The following CARMIL1 variants were observed in gnomAD, a reference collection of about 807,000 sequenced individuals.
CARMIL1 encodes the protein capping protein regulator and myosin 1 linker 1.
CARMIL1 carries 90 observed loss-of-function variants against 177.1 expected under a neutral mutation model. The ratio of observed to expected loss-of-function variants is 0.51; its 90% CI spans 0.43 to 0.61. The LOEUF (loss-of-function observed/expected upper bound fraction) is 0.61. Among genes scored for constraint, CARMIL1 ranks in the 20% least tolerant of loss-of-function variants. The pLI is 0.00. For synonymous variants in CARMIL1, 577 were observed against 606.2 expected, an observed-to-expected ratio of 0.95 and a Z score of 0.71; for missense variants, 1,380 against 1,667.0, an observed-to-expected ratio of 0.83 and a Z score of 3.00.
At chr6:25,568,593 C>A (rs892942976) in intron 29 of CARMIL1, among the ~76,000 whole-genome samples, 2 of 152,184 alleles carry the variant, frequency 1.3e-5, no homozygotes, top group Non-Finnish European at 2.9e-5. Flanking sequence ...GGGTTTTTAT[C>A]TGAAAGCAGC....
chr6:25,345,443 C>G (rs1306428691), intron 2 of CARMIL1, among the ~76,000 whole-genome samples: 1 of 152,104 alleles, frequency 6.6e-6, no homozygotes, highest in Non-Finnish European at 1.5e-5. Context: ...CTCTTGAACT[C>G]CAGACCCCTT....
At chr6:25,289,675 A>G (rs1781788731) in intron 2 of CARMIL1, among the ~76,000 whole-genome samples, 1 of 152,228 alleles carries the variant, frequency 6.6e-6, no homozygotes, top group African/African-American at 2.4e-5. Flanking sequence ...TTTTAAGAAC[A>G]TTATATAAAT....
chr6:25,490,777 G>GTATGGTTAT (rs1234009880), intron 13 of CARMIL1, among the ~76,000 whole-genome samples: 2 of 152,080 alleles, frequency 1.3e-5, no homozygotes, highest in African/African-American at 4.8e-5. Flanking sequence ...CATTCTGTGT[G>GTATGGTTAT]TATGGTTATT....
In CARMIL1 at chr6:25,606,214, A is replaced by T. The variant is rs201300946; in HGVS notation, c.3788A>T (p.Lys1263Ile). ...CCGAAGCCCCTCCTGCAGTCCCCCA[A>T]ACCCAGTCTGGCAGCACGGCCCGTC... ...TSPKPLLQSP[K>I]PSLAARPVIP... The change falls in exon 35 of 37, where the codon AAA (lysine) becomes ATA (isoleucine). Residue 1263 changes from lysine to isoleucine, a missense_variant. By Grantham distance (102) the Lys-to-Ile change is moderately radical. Coordinates refer to ENST00000329474, the MANE Select transcript of CARMIL1 (RefSeq NM_017640.6). 1 of 1,613,860 alleles carries T rather than the reference A, an allele frequency of 6.2e-7. No homozygotes were observed. Among genetic ancestry groups the T allele is most frequent in the East Asian group, 2.2e-5 (1 of 44,882 alleles).
chr6:25,565,167 A>G (rs906606279), intron 29 of CARMIL1, among the ~76,000 whole-genome samples: 2 of 152,216 alleles, frequency 1.3e-5, no homozygotes, highest in Admixed American at 6.5e-5. Context: ...GAGGAACCCA[A>G]TTTGGGGAGG....
chr6:25,459,243 T>TTTCTTTCTTTCTTTCC (rs1491036494), intron 8 of CARMIL1, among the ~76,000 whole-genome samples: 1 of 99,216 alleles, frequency 1.0e-5, no homozygotes, highest in South Asian at 4.3e-4. Flanking sequence ...TCTTTCTTTC[T>TTTCTTTCTTTCTTTCC]TTCTTTCTTT....
chr6:25,451,464 C>T (rs1309075111), intron 8 of CARMIL1, among the ~76,000 whole-genome samples: 1 of 152,066 alleles, frequency 6.6e-6, no homozygotes, highest in Non-Finnish European at 1.5e-5. Flanking sequence ...AATCAGTTTG[C>T]CAGTATCTGC....
Position 25,539,933 on chromosome 6 carries a change from T to C in CARMIL1, c.2197-14T>C. ...ACCCAATTCTAAAGAGGTTATTTTT[T>C]ATTTCTCTTACAGTTGTTACCAAAT... On this transcript the variant is annotated splice_polypyrimidine_tract_variant and intron_variant, in intron 25 of 36. Transcript: ENST00000329474. 6.5e-7 allele frequency: 1 copy of C among 1,547,216 alleles called. No individual in the cohort carries two copies. The highest frequency in any genetic ancestry group is 8.7e-7 in the Non-Finnish European group (1 of 1,151,024).
rs186223707 is a variant in CARMIL1 at position 25,538,006 on chromosome 6, T to A, written c.2196+23T>A. On this transcript the variant is annotated intron_variant, in intron 25 of 36. Coordinates refer to ENST00000329474, the MANE Select transcript of CARMIL1 (RefSeq NM_017640.6). ...ACGGTGAGTTTCACTTCAGGCTGTG[T>A]GAGAGTCTGGTATAATAAAAACGTT... 3.4e-5 allele frequency: 54 copies of A among 1,584,614 alleles called. No individual in the cohort carries two copies. The Admixed American group carries it at 9.7e-4, about 29-fold the overall frequency.
chr6:25,439,876 C>T (rs564811204), intron 5 of CARMIL1, among the ~76,000 whole-genome samples: 165 of 152,218 alleles, frequency 1.1e-3, no homozygotes, highest in African/African-American at 3.9e-3. Flanking sequence ...AACCATATGG[C>T]TGTAATGAGG....
intron 36 of CARMIL1, among the ~76,000 whole-genome samples, chr6:25,617,283 G>A (rs542149097): frequency 9.9e-5 from 15 of 151,814 alleles, no homozygotes; most frequent in Non-Finnish European, 1.8e-4. Flanking sequence ...TGGTCTATAG[G>A]GTTATCTCAG....
chr6:25,489,164 C>A lies in CARMIL1; in HGVS notation c.1065+579C>A, dbSNP rs1429905633. On this transcript the variant is annotated intron_variant, in intron 13 of 36. Coordinates refer to ENST00000329474, the MANE Select transcript of CARMIL1 (RefSeq NM_017640.6). ...TGGGCGACAGTGTGAGTCTCCGTAT[C>A]AAACAATAACAACAACAACAACAAC... Among the ~76,000 whole-genome samples, 8 of 23,256 alleles carry A rather than the reference C, an allele frequency of 3.4e-4. No individual in the cohort carries two copies. The Admixed American group carries it at 4.7e-3, about 14-fold the overall frequency. The allele number at this position is 23,256 out of a possible 152,430, so 15.3% of individuals were successfully genotyped here.
At chr6:25,293,265 G>GGTGTGTGTGTGT (rs57127326) in intron 2 of CARMIL1, among the ~76,000 whole-genome samples, 10,627 of 134,120 alleles carry the variant, frequency 0.079, 584 homozygotes, top group Non-Finnish European at 0.1. Flanking sequence ...AAGGATGCTT[G>GGTGTGTGTGTGT]GTGTGTGTGT....
At chr6:25,618,858 T>G (rs1053265571) in intron 36 of CARMIL1, among the ~76,000 whole-genome samples, 1 of 152,210 alleles carries the variant, frequency 6.6e-6, no homozygotes, top group African/African-American at 2.4e-5. Flanking sequence ...GCTTTTTCAC[T>G]AGACTTTAAA....
intron 2 of CARMIL1, among the ~76,000 whole-genome samples, chr6:25,395,527 A>G (rs1399722403): frequency 6.6e-6 from 1 of 152,254 alleles, no homozygotes; most frequent in Non-Finnish European, 1.5e-5. Flanking sequence ...TGAACAATGC[A>G]TCTTCTGGCA....
chr6:25,472,695 T>A, intron 11 of CARMIL1, 174 bp downstream of exon 11: 1 of 568,622 alleles, frequency 1.8e-6, no homozygotes, highest in Non-Finnish European at 3.1e-6. Context: ...ATGTTACAAT[T>A]GTATGATCTG....
At chr6:25,287,730 A>G (rs577223257) in intron 2 of CARMIL1, among the ~76,000 whole-genome samples, 47 of 152,358 alleles carry the variant, frequency 3.1e-4, no homozygotes, top group African/African-American at 1.0e-3. Flanking sequence ...TGGCTAGTTA[A>G]TAACAGCTGG....
chr6:25,399,640 G>A (rs1330476031), intron 2 of CARMIL1, among the ~76,000 whole-genome samples: 1 of 152,200 alleles, frequency 6.6e-6, no homozygotes, highest in Non-Finnish European at 1.5e-5. Flanking sequence ...GCTAATGAAT[G>A]TGGAGGGGTG....
chr6:25,520,441 A>T lies in CARMIL1; in HGVS notation c.1968+104A>T, dbSNP rs186087973. 768 of 676,592 alleles carry T rather than the reference A, an allele frequency of 1.1e-3. 8 individuals are homozygous for T. Among genetic ancestry groups the T allele is most frequent in the African/African-American group, 9.6e-3 (529 of 55,288 alleles). 41.9% of individuals were successfully genotyped at this position (676,592 alleles called of 1,614,324 possible). A position where few individuals can be genotyped will look rare whatever the true frequency, so the allele number is the denominator to read the frequency against. On this transcript the variant is annotated intron_variant, in intron 23 of 36. Transcript: ENST00000329474. ...TTTGTTATTTTACGAAGTTTTTTTA[A>T]ATTTTATTTTATTTTTTCACATTGT...
Sources: allele counts gnomAD v4.1 joint callset (sites outside exome capture counted in the v4.1 genomes callset), GRCh38; gene constraint gnomAD v4.1.1; transcripts MANE v1.5; gene names NCBI Gene and HGNC (gene_info 2026-07-23, HGNC 2026-07-21).